MYO6: variants seen among roughly 807,000 people sequenced by gnomAD.
MYO6 encodes the protein unconventional myosin-VI.
In MYO6, 74 loss-of-function variants were observed where a neutral mutation model predicts 178.7. That is an observed-to-expected ratio of 0.41 (90% CI 0.34 to 0.50). The LOEUF is 0.50. Among genes scored for constraint, MYO6 ranks in the 20% least tolerant of loss-of-function variants. The pLI is 0.09. For missense variants in MYO6, 1,330 were observed against 1,547.4 expected (o/e 0.86, Z 2.36); for synonymous variants, 477 against 504.6 (o/e 0.95, Z 0.73).
At chr6:75,898,538 TTTC>T in intron 30 of MYO6, 127 bp downstream of exon 30, 7 of 798,642 alleles carry the variant, frequency 8.8e-6, no homozygotes, top group East Asian at 2.7e-5. Context: ...GTGATATTTC[TTTC>T]TGTACAAGAA....
chr6:75,840,159 A>ATTTTTTTTT (rs71002767), intron 7 of MYO6, among the ~76,000 whole-genome samples: 1 of 131,884 alleles, frequency 7.6e-6, no homozygotes, highest in Non-Finnish European at 1.6e-5. Context: ...CTTCATGTTA[A>ATTTTTTTTT]TTTTTTTTTT....
intron 1 of MYO6, among the ~76,000 whole-genome samples, chr6:75,811,244 C>G (rs79483787): frequency 0.016 from 2,449 of 152,138 alleles, 63 homozygotes; most frequent in African/African-American, 0.056. Flanking sequence ...TGTTCTGGAA[C>G]CTTGTACTGA....
At chr6:75,892,444 G>A in intron 27 of MYO6, 86 bp from the exon 28 acceptor site, 1 of 1,563,446 alleles carries the variant, frequency 6.4e-7, no homozygotes, top group Non-Finnish European at 8.8e-7. Context: ...GGGCAGTTAT[G>A]CTTTCCCTTT....
chr6:75,859,094 T>C lies in MYO6; in HGVS notation c.1473+101T>C. On this transcript the variant is annotated intron_variant, in intron 14 of 34. Transcript: ENST00000369977. The stretch of plus-strand genomic sequence containing the variant: ...TACCCTGATTGGTGTGGATGGATGG[T>C]GTATAACGGAAGGTGGCTCAGGGAA... 8.6e-6 allele frequency: 7 copies of C among 813,786 alleles called. No individual in the cohort carries two copies. In the South Asian group the frequency reaches 1.1e-4, roughly 13 times the overall value. 50.4% of individuals were successfully genotyped at this position (813,786 alleles called of 1,614,324 possible).
At chr6:75,778,687 TTC>T (rs1418811979) in intron 1 of MYO6, among the ~76,000 whole-genome samples, 4 of 152,154 alleles carry the variant, frequency 2.6e-5, no homozygotes, top group Non-Finnish European at 5.9e-5. Context: ...AAGCTAATTA[TTC>T]TCCTAATTAC....
intron 1 of MYO6, among the ~76,000 whole-genome samples, chr6:75,779,788 C>T (rs576475376): frequency 6.6e-6 from 1 of 152,250 alleles, no homozygotes; most frequent in South Asian, 2.1e-4. Context: ...GCCTGCTATT[C>T]GTTTAGTTTA....
At chr6:75,834,992 T>TA (rs536132613) in intron 6 of MYO6, among the ~76,000 whole-genome samples, 42 of 152,368 alleles carry the variant, frequency 2.8e-4, no homozygotes, top group African/African-American at 9.4e-4. Flanking sequence ...AATATGAACT[T>TA]ACATTTTAAA....
chr6:75,829,378 T>C (rs1200985863), intron 4 of MYO6, among the ~76,000 whole-genome samples: 2 of 152,156 alleles, frequency 1.3e-5, no homozygotes, highest in Non-Finnish European at 2.9e-5. Context: ...TCTCCTGTTA[T>C]AAAGATGGGG....
intron 22 of MYO6, 94 bp from the exon 23 acceptor site, chr6:75,881,591 CAGTT>C (rs1778034363): frequency 8.2e-7 from 1 of 1,221,826 alleles, no homozygotes; most frequent in Non-Finnish European, 1.2e-6. Context: ...CATTTTCAGA[CAGTT>C]AGATTTTGGA....
At chr6:75,869,558 T>G (rs1371697796) in intron 18 of MYO6, among the ~76,000 whole-genome samples, 1 of 152,214 alleles carries the variant, frequency 6.6e-6, no homozygotes, top group Non-Finnish European at 1.5e-5. Context: ...ATTAATACAA[T>G]GTTAGTTTAA....
intron 20 of MYO6, among the ~76,000 whole-genome samples, chr6:75,877,261 C>G (rs928934742): frequency 1.3e-5 from 2 of 151,792 alleles, no homozygotes; most frequent in African/African-American, 4.8e-5. Flanking sequence ...GCATGAGCCA[C>G]CGCGCCTCGT....
chr6:75,838,580 C>T (rs1274288177), intron 7 of MYO6, among the ~76,000 whole-genome samples: 1 of 151,158 alleles, frequency 6.6e-6, no homozygotes, highest in Non-Finnish European at 1.5e-5. Context: ...GTTGGGGAGA[C>T]CTGTAATTGA....
chr6:75,770,358 A>G (rs1361942033), intron 1 of MYO6, among the ~76,000 whole-genome samples: 1 of 152,246 alleles, frequency 6.6e-6, no homozygotes, highest in African/African-American at 2.4e-5. Context: ...TACAAAGAGA[A>G]ATTCCGTAAT....
chr6:75,903,488 C>T (rs1779994408), intron 30 of MYO6, among the ~76,000 whole-genome samples: 1 of 151,802 alleles, frequency 6.6e-6, no homozygotes, highest in East Asian at 1.9e-4. Context: ...TAATGGCCTT[C>T]TTTGTCTCTT....
chr6:75,828,410 A>T, intron 3 of MYO6, 130 bp from the exon 4 acceptor site: 1 of 639,546 alleles, frequency 1.6e-6, no homozygotes, highest in Non-Finnish European at 2.8e-6. Flanking sequence ...GGGTTTTAAA[A>T]AAGATGGAGT....
intron 1 of MYO6, among the ~76,000 whole-genome samples, chr6:75,771,778 G>A (rs1310031417): frequency 2.6e-5 from 4 of 152,148 alleles, no homozygotes; most frequent in African/African-American, 9.7e-5. Context: ...ATCTTGGAGG[G>A]TGGCATTTGT....
At position 75,817,703 on chromosome 6, in the gene MYO6, C is replaced by CA. The variant is rs746387944; in HGVS notation, c.117+44dup. The stretch of plus-strand genomic sequence containing the variant: ...AAAGATGTTGAAATATGATTTCTTT[C>CA]AAAAATAGGTGTTTTTTTTCACAAG... On this transcript the variant is annotated intron_variant, in intron 2 of 34. Coordinates refer to ENST00000369977, the MANE Select transcript of MYO6 (RefSeq NM_004999.4). 3.9e-6 allele frequency: 6 copies of CA among 1,555,802 alleles called. No individual in the cohort carries two copies. The East Asian group carries it at 1.3e-4, about 35-fold the overall frequency.
intron 15 of MYO6, 77 bp downstream of exon 15, chr6:75,861,172 T>C (rs746625658): frequency 2.6e-5 from 29 of 1,106,738 alleles, no homozygotes; most frequent in Non-Finnish European, 3.9e-5. Context: ...TCTGTGCTTT[T>C]TAATTGACAT....
chr6:75,871,425 T>A (rs980022457), intron 19 of MYO6, among the ~76,000 whole-genome samples: 3 of 152,178 alleles, frequency 2.0e-5, no homozygotes, highest in African/African-American at 7.2e-5. Flanking sequence ...AATTTTTGTA[T>A]TTTTTGTAGA....
Sources: allele counts gnomAD v4.1 joint callset (sites outside exome capture counted in the v4.1 genomes callset), GRCh38; gene constraint gnomAD v4.1.1; transcripts MANE v1.5; gene names NCBI Gene and HGNC (gene_info 2026-07-23, HGNC 2026-07-21).